MGAM: variants seen among roughly 807,000 people sequenced by gnomAD.
MGAM encodes maltase-glucoamylase, also known as alpha-1,4-glucosidase.
Under a neutral mutation model 358.8 loss-of-function variants are expected in MGAM, and 253 were observed. That is an observed-to-expected ratio of 0.71 (90% CI 0.64 to 0.78). MGAM has a LOEUF of 0.78. Among genes scored for constraint, MGAM ranks in the 30% least tolerant of loss-of-function variants. The pLI, the probability that MGAM is intolerant of heterozygous loss-of-function variation, is 0.00. For missense variants in MGAM, 3,080 were observed against 3,432.6 expected (o/e 0.90, Z 2.57); for synonymous variants, 1,105 against 1,227.1 (o/e 0.90, Z 2.08).
At chr7:142,098,238 C>A (rs1432293039) in intron 66 of MGAM, among the ~76,000 whole-genome samples, 1 of 151,968 alleles carries the variant, frequency 6.6e-6, no homozygotes, top group Non-Finnish European at 1.5e-5. Context: ...AGCTCCTTGC[C>A]GCATAGTTTC....
rs750049444 is a variant in MGAM, at chr7:142,038,605, T to A, written c.2306T>A (p.Val769Asp). 3 of 1,608,924 alleles carry A rather than the reference T, an allele frequency of 1.9e-6. No homozygotes were observed. Among genetic ancestry groups the A allele is most frequent in the Non-Finnish European group, 2.5e-6 (3 of 1,177,398 alleles). ...GGGCCCGGCCTCCTCATCACTCCAGTTCTGGATGAAGTAAGTGTTCCCACA... is the reference window on the plus strand; with the variant it reads ...GGGCCCGGCCTCCTCATCACTCCAGATCTGGATGAAGTAAGTGTTCCCACA... ...LWGPGLLITP[V>D]LDEGAEKVMA... Residue 769 changes from valine (V) to aspartate (D), a missense_variant, in exon 19 of 71, where the codon GTT (valine) becomes GAT (aspartate). Val to Asp is a radical substitution (Grantham distance 152). This residue lies in a region of MGAM where 1,816 missense variants were observed against 1,840.5 expected (regional missense o/e 0.99). Coordinates refer to ENST00000475668, the MANE Select transcript of MGAM (RefSeq NM_001365693.1).
rs1246174539 is a variant in MGAM at position 142,064,376 on chromosome 7, C to T, written c.4346-8C>T. 1 of 1,604,958 alleles carries T rather than the reference C, an allele frequency of 6.2e-7. No individual in the cohort carries two copies. The highest frequency in any genetic ancestry group is 8.5e-7 in the Non-Finnish European group (1 of 1,175,808). On this transcript the variant is annotated splice_polypyrimidine_tract_variant and splice_region_variant and intron_variant, in intron 36 of 70. Transcript: ENST00000475668. ...CTGGGTTTCACCTCGCCAGTTCTTC[C>T]TCCTCAGATTTGGAGTCCAGGGACA...
At chr7:142,015,013 A>C (rs1261079133) in intron 3 of MGAM, among the ~76,000 whole-genome samples, 1 of 152,120 alleles carries the variant, frequency 6.6e-6, no homozygotes, top group African/African-American at 2.4e-5. Flanking sequence ...TTGATCTCCA[A>C]AGTGGCTGTG....
Position 142,091,740 on chromosome 7 carries a change from T to C in MGAM, c.6811-173T>C, listed in dbSNP as rs559843911. On this transcript the variant is annotated intron_variant, in intron 57 of 70. Coordinates refer to ENST00000475668, the MANE Select transcript of MGAM (RefSeq NM_001365693.1). ...CGGGAAGGTGTGCAAATTGCACTAA[T>C]TTCTCCTCTCATTCTACATTTCTCT... Among the ~76,000 whole-genome samples the C allele has an allele frequency of 5.5e-5, 8 of 146,648 alleles. 1 individual carries two copies. In the South Asian group the frequency reaches 1.7e-3, roughly 32 times the overall value.
intron 8 of MGAM, among the ~76,000 whole-genome samples, chr7:142,026,412 G>T (rs973570112): frequency 6.6e-6 from 1 of 152,118 alleles, no homozygotes; most frequent in African/African-American, 2.4e-5. Flanking sequence ...AGGTAGATTA[G>T]CAATAGAAAA....
In MGAM at chr7:142,094,875, G is replaced by A; in HGVS notation, c.7458+12G>A. On this transcript the variant is annotated intron_variant, in intron 63 of 70. Transcript: ENST00000475668. The stretch of plus-strand genomic sequence containing the variant: ...CCATTGGGACCAGGGTAGGACAGTG[G>A]CCCCTACCTCCAGTGTTTCACTTGA... 1 of 1,611,378 alleles carries A rather than the reference G, an allele frequency of 6.2e-7. No homozygotes were observed. Among genetic ancestry groups the A allele is most frequent in the Non-Finnish European group, 8.5e-7 (1 of 1,177,778 alleles).
Position 142,055,645 on chromosome 7 carries a change from T to C in MGAM, c.3402T>C (p.Phe1134=), listed in dbSNP as rs780715355. The C allele has an allele frequency of 6.2e-7, 1 of 1,613,932 alleles. No homozygotes were observed. Among genetic ancestry groups the C allele is most frequent in the African/African-American group, 1.3e-5 (1 of 75,020 alleles). The part of the protein sequence containing the change: ...TRLPSKYLYG[F]GETEHRSYRR... ...TTCCCTCCAAGTACCTCTATGGCTT[T>C]GGGGAAACTGAGCACAGGTCCTATA... Residue 1134 remains phenylalanine, a synonymous_variant, in exon 28 of 71, where the codon TTT becomes TTC. Coordinates refer to ENST00000475668, the MANE Select transcript of MGAM (RefSeq NM_001365693.1).
Position 142,095,024 on chromosome 7 carries a change from T to G in MGAM, c.7458+161T>G, listed in dbSNP as rs146545041. On this transcript the variant is annotated intron_variant, in intron 63 of 70. Transcript: ENST00000475668. ...CTATTGCCTAAGCTGGATCTTGCAGTGTCCCAATCATGGCTGACTGCAGCC... is the reference window on the plus strand; with the variant it reads ...CTATTGCCTAAGCTGGATCTTGCAGGGTCCCAATCATGGCTGACTGCAGCC... Among the ~76,000 whole-genome samples the G allele has an allele frequency of 1.9e-3, 287 of 152,292 alleles. 1 individual carries two copies. Among genetic ancestry groups the G allele is most frequent in the African/African-American group, 6.5e-3 (268 of 41,546 alleles).
chr7:142,097,874 G>A (rs1268370307), intron 66 of MGAM, among the ~76,000 whole-genome samples: 1 of 152,014 alleles, frequency 6.6e-6, no homozygotes, highest in Non-Finnish European at 1.5e-5. Flanking sequence ...ATCTCACTCA[G>A]GTTTTTCGTG....
chr7:142,052,464 G>A lies in MGAM; in HGVS notation c.2958+18G>A, dbSNP rs1811087296. On this transcript the variant is annotated intron_variant, in intron 25 of 70. Transcript: ENST00000475668. ...TCTGGGAGGTAACCATGCTGATGGGGTTTGTGTGCATGAGAATCTCCACAC... is the reference window on the plus strand; with the variant it reads ...TCTGGGAGGTAACCATGCTGATGGGATTTGTGTGCATGAGAATCTCCACAC... The A allele has an allele frequency of 6.2e-7, 1 of 1,612,304 alleles. No individual in the cohort carries two copies. The highest frequency in any genetic ancestry group is 1.3e-5 in the African/African-American group (1 of 74,998).
intron 21 of MGAM, among the ~76,000 whole-genome samples, chr7:142,044,134 T>C (rs1304829245): frequency 2.1e-5 from 3 of 144,458 alleles, no homozygotes; most frequent in African/African-American, 2.5e-5. Flanking sequence ...ACGTATAATA[T>C]GTACATTATA....
chr7:141,990,941 C>G (rs1204247302), upstream of MGAM, among the ~76,000 whole-genome samples: 1 of 152,198 alleles, frequency 6.6e-6, no homozygotes, highest in Non-Finnish European at 1.5e-5. Context: ...TTTGCTGGTG[C>G]TGTCTTCTCT....
intron 54 of MGAM, among the ~76,000 whole-genome samples, chr7:142,085,188 G>T (rs1316174744): frequency 5.5e-5 from 8 of 146,490 alleles, no homozygotes; most frequent in African/African-American, 1.9e-4. Flanking sequence ...CTGGAGGATG[G>T]GAGGGGACCC....
At chr7:142,032,033 C>CTT (rs371378447) in intron 13 of MGAM, among the ~76,000 whole-genome samples, 7,062 of 122,240 alleles carry the variant, frequency 0.058, 250 homozygotes, top group Middle Eastern at 0.098. Context: ...AAGTCTAGCT[C>CTT]TTTTTTTTTT....
At chr7:142,047,657 C>A in intron 21 of MGAM, 128 bp from the exon 22 acceptor site, 1 of 822,174 alleles carries the variant, frequency 1.2e-6, no homozygotes, top group Non-Finnish European at 2.0e-6. Flanking sequence ...TGTGTTTGTG[C>A]CTGAAGAAAA....
At chr7:142,021,995 T>C (rs1806507187) in intron 6 of MGAM, among the ~76,000 whole-genome samples, 1 of 152,132 alleles carries the variant, frequency 6.6e-6, no homozygotes, top group Non-Finnish European at 1.5e-5. Context: ...CACCAGTAAA[T>C]ATTTACTGAA....
At position 142,040,945 on chromosome 7, in the gene MGAM, T is replaced by C. The variant is rs146496053; in HGVS notation, c.2498+99T>C. On this transcript the variant is annotated intron_variant, in intron 21 of 70. Coordinates refer to ENST00000475668, the MANE Select transcript of MGAM (RefSeq NM_001365693.1). ...ACTAACAGCCAGGTGGTCAGCCTCT[T>C]TGGTTTGGCCACGACTGTTGCAGTT... 203 of 1,423,434 alleles carry C rather than the reference T, an allele frequency of 1.4e-4. No individual in the cohort carries two copies. The African/African-American group carries it at 2.3e-3, about 16-fold the overall frequency. The allele number at this position is 1,423,434 out of a possible 1,614,324, so 88.2% of individuals were successfully genotyped here.
At position 142,078,450 on chromosome 7, in the gene MGAM, G is replaced by T; in HGVS notation, c.5626G>T (p.Ala1876Ser). The T allele has an allele frequency of 1.3e-6, 2 of 1,544,578 alleles. No homozygotes were observed. Among genetic ancestry groups the T allele is most frequent in the Middle Eastern group, 3.4e-4 (2 of 5,800 alleles). ...ENGDSAENCT[A>S]RGCIWEASNS... ...TGGTGATTCTGCAGAAAACTGCACT[G>T]CCCGTGGCTGTATCTGGGAGGTAAC... Residue 1876 changes from alanine (A) to serine (S), a missense_variant, in exon 48 of 71, where the codon GCC becomes TCC. By Grantham distance (99) the Ala-to-Ser change is moderately conservative. Transcript: ENST00000475668.
rs755311644 is a variant in MGAM at position 142,038,536 on chromosome 7, A to G, written c.2237A>G (p.Tyr746Cys). 1.6e-5 allele frequency: 26 copies of G among 1,608,294 alleles called. 1 individual carries two copies. Among genetic ancestry groups the G allele is most frequent in the Middle Eastern group, 3.3e-4 (2 of 6,066 alleles). Residue 746 changes from tyrosine to cysteine, a missense_variant, in exon 19 of 71, where the codon TAC (tyrosine) becomes TGC (cysteine). Tyr to Cys is a radical substitution (Grantham distance 194, BLOSUM62 -2). Around this residue, in one of 5 missense-constraint regions of MGAM, gnomAD observed 1,816 missense variants for 1,840.5 expected, o/e 0.99. Transcript: ENST00000475668. The stretch of plus-strand genomic sequence containing the variant: ...ACTGTCTCTCTGGTTTTCAGGTTCT[A>G]CGAGGACAACAGCACTTGGGATGTG... ...TVARPLLHEFYEDNSTWDVHQ... is the reference protein window; with the variant it reads ...TVARPLLHEFCEDNSTWDVHQ...
Sources: gnomAD v4.1 joint callset for allele counts (sites outside exome capture counted in the v4.1 genomes callset) on GRCh38, gnomAD v4.1.1 for gene constraint, gnomAD v4.1.1 regional missense constraint, MANE v1.5 for transcripts, NCBI Gene and HGNC (gene_info 2026-07-23, HGNC 2026-07-21) for gene names.